TENM3: variants seen among roughly 807,000 people sequenced by gnomAD.
The protein encoded by TENM3 is teneurin-3.
A neutral mutation model predicts 255.1 loss-of-function variants in TENM3; 63 were observed. The observed-to-expected ratio is 0.25, with a 90% confidence interval of 0.20 to 0.30. The LOEUF (loss-of-function observed/expected upper bound fraction) is 0.30. Ranked by LOEUF, TENM3 falls within the 10% of genes least tolerant of loss-of-function variation. The pLI, the probability that TENM3 is intolerant of heterozygous loss-of-function variation, is 1.00. For synonymous variants in TENM3, 1,306 were observed against 1,322.3 expected (o/e 0.99, Z 0.27); for missense variants, 2,929 against 3,461.1 (o/e 0.85, Z 3.86).
Position 182,800,147 on chromosome 4 carries a change from C to T in TENM3, c.7896C>T (p.Ala2632=). ...CGCGGCAGCGCGCGCTCGCCCGGGC[C>T]TGGGCGCGCGAGCAGCAGCGCGTGC... is the stretch of plus-strand genomic sequence containing the variant. ...EQARQRALAR[A]WAREQQRVRD... Residue 2632 remains alanine (A), a synonymous_variant, in exon 28 of 28, where the codon GCC becomes GCT. Transcript: ENST00000511685. The T allele has an allele frequency of 2.8e-6, 4 of 1,452,408 alleles. No homozygotes were observed. Among genetic ancestry groups the T allele is most frequent in the Admixed American group, 3.0e-5 (1 of 33,320 alleles). The allele number at this position is 1,452,408 out of a possible 1,614,324, so 90.0% of individuals were successfully genotyped here.
At chr4:181,805,348 C>G in the TENM3 span, among the ~76,000 whole-genome samples, 1 of 152,026 alleles carries the variant, frequency 6.6e-6, no homozygotes, top group African/African-American at 2.4e-5. Flanking sequence ...ACATTGGCCA[C>G]CTCTACCTCC....
chr4:181,619,665 G>T, the TENM3 span, among the ~76,000 whole-genome samples: 1 of 152,030 alleles, frequency 6.6e-6, no homozygotes, highest in African/African-American at 2.4e-5. Context: ...CTGTGCTCCA[G>T]CAATCCTCTC....
the TENM3 span, among the ~76,000 whole-genome samples, chr4:181,929,452 T>C: frequency 7.4e-4 from 112 of 151,690 alleles, no homozygotes; most frequent in African/African-American, 2.7e-3. Context: ...TATATAATGG[T>C]AAAGGAATCA....
At chr4:182,730,126 A>G in intron 14 of TENM3, 74 bp from the exon 15 acceptor site, 1 of 1,567,324 alleles carries the variant, frequency 6.4e-7, no homozygotes, top group Non-Finnish European at 8.7e-7. Flanking sequence ...CCTTAGGTTG[A>G]ATTATCTATA....
chr4:181,675,073 C>A, the TENM3 span, among the ~76,000 whole-genome samples: 1 of 152,096 alleles, frequency 6.6e-6, no homozygotes, highest in Non-Finnish European at 1.5e-5. Context: ...GGACCACTAG[C>A]TAAACAGCAA....
At chr4:182,576,623 T>G (rs9996737) in intron 3 of TENM3, among the ~76,000 whole-genome samples, 49,954 of 152,126 alleles carry the variant, frequency 0.33, 9,751 homozygotes, top group East Asian at 0.49. Flanking sequence ...AGTGTGTTGC[T>G]AAAGCTAATC....
chr4:181,955,647 A>T, the TENM3 span, among the ~76,000 whole-genome samples: 2 of 152,202 alleles, frequency 1.3e-5, no homozygotes, highest in Non-Finnish European at 2.9e-5. Context: ...CTACTTGGGC[A>T]CAGATGACAA....
intron 1 of TENM3, among the ~76,000 whole-genome samples, chr4:182,238,134 G>A (rs1163587260): frequency 4.6e-5 from 7 of 152,128 alleles, no homozygotes; most frequent in Non-Finnish European, 1.0e-4. Context: ...AACAGTCTCA[G>A]GGTCTCATAA....
At chr4:181,836,062 CT>C in the TENM3 span, among the ~76,000 whole-genome samples, 3 of 152,050 alleles carry the variant, frequency 2.0e-5, no homozygotes, top group Non-Finnish European at 4.4e-5. Flanking sequence ...CCTATGGGTA[CT>C]ACCTGATGGA....
At chr4:182,292,846 G>T (rs1460519785) in intron 1 of TENM3, among the ~76,000 whole-genome samples, 2 of 152,182 alleles carry the variant, frequency 1.3e-5, no homozygotes, top group East Asian at 3.9e-4. Context: ...GCTGTCCAAA[G>T]GTTTTCCATA....
intron 3 of TENM3, chr4:182,449,099 CG>C (rs1773212985): frequency 3.6e-6 from 1 of 274,410 alleles, no homozygotes; most frequent in South Asian, 3.1e-5. Flanking sequence ...TGAGCGGCGG[CG>C]GCGGCGGCGG....
At chr4:181,974,933 C>G in the TENM3 span, among the ~76,000 whole-genome samples, 2 of 152,108 alleles carry the variant, frequency 1.3e-5, no homozygotes, top group Non-Finnish European at 2.9e-5. Context: ...AAACCTCACT[C>G]CCTTCCCATC....
intron 1 of TENM3, among the ~76,000 whole-genome samples, chr4:182,219,641 G>T (rs1400836468): frequency 1.3e-5 from 2 of 152,060 alleles, no homozygotes; most frequent in East Asian, 3.9e-4. Flanking sequence ...CTCCAGCCTG[G>T]GCTACAGTGA....
the TENM3 span, among the ~76,000 whole-genome samples, chr4:181,486,860 A>G: frequency 6.6e-6 from 1 of 152,218 alleles, no homozygotes; most frequent in Non-Finnish European, 1.5e-5. Context: ...TTACATTGGC[A>G]TCTGGTACAT....
At chr4:181,572,036 T>C in the TENM3 span, among the ~76,000 whole-genome samples, 1 of 152,234 alleles carries the variant, frequency 6.6e-6, no homozygotes, top group Non-Finnish European at 1.5e-5. Flanking sequence ...GTTCATCTTA[T>C]ATTTTATCCT....
the TENM3 span, among the ~76,000 whole-genome samples, chr4:182,114,039 T>G: frequency 1.3e-5 from 2 of 152,192 alleles, no homozygotes; most frequent in Admixed American, 6.5e-5. Flanking sequence ...CAGACTACCC[T>G]GCTTTTTGAG....
rs543162887 is a variant in TENM3, at chr4:182,662,630, G to A, written c.1111+8737G>A. 3.3e-5 allele frequency among the ~76,000 whole-genome samples: 5 copies of A among 152,278 alleles called. No individual in the cohort carries two copies. In the South Asian group the frequency reaches 8.3e-4, roughly 25 times the overall value. ...TGGAGGTAGTGATCTCAGTAAGGGA[G>A]GATAGAGAGCCCTAGAACTGGCCTT... On this transcript the variant is annotated intron_variant, in intron 6 of 27. Transcript: ENST00000511685.
chr4:182,512,851 A>G (rs1466064061), intron 3 of TENM3, among the ~76,000 whole-genome samples: 1 of 152,154 alleles, frequency 6.6e-6, no homozygotes, highest in Non-Finnish European at 1.5e-5. Context: ...AGTATACAGA[A>G]ACACAGTAGT....
rs60217194 is a variant in TENM3, at chr4:182,175,314, A to AAAAATAT, written c.-76+30561_-76+30562insAAATATA. Among the ~76,000 whole-genome samples, 336 of 117,522 alleles carry AAAAATAT rather than the reference A, an allele frequency of 2.9e-3. 2 individuals are homozygous for AAAAATAT. Among genetic ancestry groups the AAAAATAT allele is most frequent in the African/African-American group, 0.01 (311 of 30,030 alleles). The allele number at this position is 117,522 out of a possible 152,430, so 77.1% of individuals were successfully genotyped here. ...TGCTCTGCTTCATTAAAAAAAAAAA[A>AAAAATAT]ATATATATATATATATATATACACA... On this transcript the variant is annotated intron_variant, in intron 1 of 2. Transcript: ENST00000512480.
Sources: gnomAD v4.1 joint callset for allele counts (sites outside exome capture counted in the v4.1 genomes callset) on GRCh38, gnomAD v4.1.1 for gene constraint, MANE v1.5 for transcripts, NCBI Gene and HGNC (gene_info 2026-07-23, HGNC 2026-07-21) for gene names.